Variants in PRICKLE1 observed in about 807,000 individuals in gnomAD.
PRICKLE1 encodes prickle planar cell polarity protein 1.
PRICKLE1 carries 14 observed loss-of-function variants against 70.2 expected under a neutral mutation model. The observed-to-expected ratio is 0.20, with a 90% CI of 0.13 to 0.31. The LOEUF is 0.31. Ranked by LOEUF, PRICKLE1 falls within the 10% of genes least tolerant of loss-of-function variation. The probability of loss-of-function intolerance (pLI) is 1.00; values close to 1 mark genes in which losing one functional copy is unlikely to be tolerated. For missense variants in PRICKLE1, 821 were observed against 1,026.2 expected (o/e 0.80, Z 2.73); for synonymous variants, 357 against 379.9 (o/e 0.94, Z 0.70).
At chr12:42,528,936 A>G (rs1939861015) in intron 1 of PRICKLE1, among the ~76,000 whole-genome samples, 1 of 152,236 alleles carries the variant, frequency 6.6e-6, no homozygotes, top group Non-Finnish European at 1.5e-5. Context: ...AATTCTTCAT[A>G]TGGAAACCAA....
chr12:42,503,374 A>G (rs1939350329), intron 1 of PRICKLE1, among the ~76,000 whole-genome samples: 1 of 152,280 alleles, frequency 6.6e-6, no homozygotes, highest in Middle Eastern at 3.4e-3. Context: ...GCATGTCCAG[A>G]CTTCCCGCAC....
rs551483909 is a variant in PRICKLE1 at position 42,567,149 on chromosome 12, G to T, written c.-49+22316C>A. On this transcript the variant is annotated intron_variant, in intron 1 of 7. Coordinates refer to ENST00000345127, the MANE Select transcript of PRICKLE1 (RefSeq NM_153026.3). ...GTATACAGAGGTTTTCAATCCGGAT[G>T]GTCTATTGATGGATCAAAGCTCCTC... is the stretch of plus-strand genomic sequence containing the variant. Among the ~76,000 whole-genome samples the T allele has an allele frequency of 6.6e-5, 10 of 152,224 alleles. No individual in the cohort carries two copies. The South Asian group carries it at 2.1e-3, about 32-fold the overall frequency.
At chr12:42,569,590 A>C (rs1940675309) in intron 1 of PRICKLE1, among the ~76,000 whole-genome samples, 1 of 152,200 alleles carries the variant, frequency 6.6e-6, no homozygotes, top group African/African-American at 2.4e-5. Context: ...TGTCATTCTT[A>C]TGGTGCCAGC....
chr12:42,549,168 C>CATAGA (rs1940265961), intron 1 of PRICKLE1, among the ~76,000 whole-genome samples: 1 of 149,602 alleles, frequency 6.7e-6, no homozygotes, highest in African/African-American at 2.5e-5. Flanking sequence ...CACCTCTCTC[C>CATAGA]ATAGAAAGCT....
chr12:42,506,683 C>A (rs1412401275), intron 1 of PRICKLE1, among the ~76,000 whole-genome samples: 3 of 146,132 alleles, frequency 2.1e-5, no homozygotes, highest in African/African-American at 7.5e-5. Context: ...TCAAGCAACT[C>A]TCTACCTCAG....
chr12:42,485,500 G>T (rs1304014892), intron 1 of PRICKLE1: 3 of 152,092 alleles, frequency 2.0e-5, no homozygotes, highest in African/African-American at 4.8e-5. Flanking sequence ...TTCCTCTGTG[G>T]ATCTGTAAAA....
chr12:42,511,888 C>CA (rs1338054085), intron 1 of PRICKLE1, among the ~76,000 whole-genome samples: 3 of 152,136 alleles, frequency 2.0e-5, no homozygotes, highest in African/African-American at 4.8e-5. Flanking sequence ...AACAAGGAAA[C>CA]AGTCTCCCAT....
At chr12:42,546,025 G>A (rs1343835403) in intron 1 of PRICKLE1, among the ~76,000 whole-genome samples, 1 of 151,814 alleles carries the variant, frequency 6.6e-6, no homozygotes, top group Non-Finnish European at 1.5e-5. Flanking sequence ...GAATTTAGAT[G>A]TAAAAAAGCA....
intron 7 of PRICKLE1, among the ~76,000 whole-genome samples, chr12:42,462,935 C>T (rs1937915486): frequency 6.6e-6 from 1 of 152,356 alleles, no homozygotes; most frequent in East Asian, 1.9e-4. Context: ...CAAGTTTCCT[C>T]ATTTGTGAAA....
At chr12:42,529,953 C>CTTCCTTT (rs1555236624) in intron 1 of PRICKLE1, among the ~76,000 whole-genome samples, 3 of 142,992 alleles carry the variant, frequency 2.1e-5, no homozygotes, top group African/African-American at 7.9e-5. Flanking sequence ...TCCTTCCTTC[C>CTTCCTTT]TTTTTTTTTT....
chr12:42,533,404 T>G (rs1434837833), intron 1 of PRICKLE1, among the ~76,000 whole-genome samples: 1 of 152,312 alleles, frequency 6.6e-6, no homozygotes, highest in East Asian at 1.9e-4. Flanking sequence ...TTCATACCAG[T>G]GAGTACTAAT....
Position 42,460,430 on chromosome 12 carries a change from T to C in PRICKLE1, c.1875A>G (p.Gln625=), listed in dbSNP as rs1421465164. The change falls in exon 8 of 8, where the codon CAA becomes CAG. Residue 625 remains glutamine (Q), a synonymous_variant. Coordinates refer to ENST00000345127, the MANE Select transcript of PRICKLE1 (RefSeq NM_153026.3). ...AAAACTTGACCTGCTGGGGTCTGGA[T>C]TGAGACTTGGACCTTCTGAGCACTG... ...HLPVLRRSKS[Q]SRPQQVKFSD... 6.8e-6 allele frequency: 11 copies of C among 1,614,056 alleles called. No homozygotes were observed. Among genetic ancestry groups the C allele is most frequent in the Non-Finnish European group, 8.5e-6 (10 of 1,180,028 alleles).
At chr12:42,490,037 AAGAC>A (rs1939067410) in intron 1 of PRICKLE1, 1 of 152,234 alleles carries the variant, frequency 6.6e-6, no homozygotes, top group African/African-American at 2.4e-5. Flanking sequence ...TTCCAAAAAG[AAGAC>A]AGAGAAAAAT....
At chr12:42,482,493 G>T (rs1938829688) in intron 1 of PRICKLE1, among the ~76,000 whole-genome samples, 1 of 152,158 alleles carries the variant, frequency 6.6e-6, no homozygotes, top group Admixed American at 6.5e-5. Flanking sequence ...ATTTTCAACA[G>T]TGGCCCGAGG....
intron 1 of PRICKLE1, among the ~76,000 whole-genome samples, chr12:42,580,453 T>C (rs1044377899): frequency 3.9e-5 from 6 of 152,184 alleles, no homozygotes; most frequent in African/African-American, 1.4e-4. Flanking sequence ...AAATGCACCA[T>C]GGAGTATGCC....
At chr12:42,537,899 A>T (rs1940041783) in intron 1 of PRICKLE1, among the ~76,000 whole-genome samples, 1 of 152,260 alleles carries the variant, frequency 6.6e-6, no homozygotes, top group Admixed American at 6.5e-5. Flanking sequence ...TAAAACAATG[A>T]CATAATGCAA....
chr12:42,539,649 G>A (rs1029297043), intron 1 of PRICKLE1, among the ~76,000 whole-genome samples: 6 of 152,054 alleles, frequency 3.9e-5, no homozygotes, highest in Non-Finnish European at 7.4e-5. Context: ...AGAAATCTCA[G>A]CAATCACTAT....
intron 1 of PRICKLE1, among the ~76,000 whole-genome samples, chr12:42,502,286 T>G (rs1187250690): frequency 4.8e-5 from 7 of 146,214 alleles, no homozygotes. Flanking sequence ...TATATATAGA[T>G]ATATATTTGT....
At chr12:42,526,292 A>G (rs1389276517) in intron 1 of PRICKLE1, among the ~76,000 whole-genome samples, 4 of 151,640 alleles carry the variant, frequency 2.6e-5, no homozygotes, top group African/African-American at 9.7e-5. Context: ...CTGGTAGGGG[A>G]GAGGGACAAC....
Sources: allele counts gnomAD v4.1 joint callset (sites outside exome capture counted in the v4.1 genomes callset), GRCh38; gene constraint gnomAD v4.1.1; transcripts MANE v1.5; gene names NCBI Gene and HGNC (gene_info 2026-07-23, HGNC 2026-07-21).